GCNT1: variants seen among roughly 807,000 people sequenced by gnomAD.
The protein encoded by GCNT1 is beta-1,3-galactosyl-O-glycosyl-glycoprotein beta-1,6-N-acetylglucosaminyltransferase.
GCNT1 carries 16 observed loss-of-function variants against 26.2 expected under a neutral mutation model. That is an observed-to-expected ratio of 0.61 (90% CI 0.41 to 0.93). GCNT1 has a LOEUF of 0.93. GCNT1 is among the 40% of genes least tolerant of loss of function. The pLI, the probability that GCNT1 is intolerant of heterozygous loss-of-function variation, is 0.00. For synonymous variants in GCNT1, 183 were observed against 190.8 expected, an observed-to-expected ratio of 0.96 and a Z score of 0.34; for missense variants, 477 against 526.7, an observed-to-expected ratio of 0.91 and a Z score of 0.92.
chr9:76,409,423 GTTTTTA>G, the GCNT1 span, among the ~76,000 whole-genome samples: 1 of 152,008 alleles, frequency 6.6e-6, no homozygotes, highest in Non-Finnish European at 1.5e-5. Flanking sequence ...TTGATTTTCT[GTTTTTA>G]TTTTTATTGA....
chr9:76,416,812 G>A (rs934539355), upstream of GCNT1, among the ~76,000 whole-genome samples: 3 of 152,150 alleles, frequency 2.0e-5, no homozygotes, highest in South Asian at 2.1e-4. Flanking sequence ...TCATCCCAGC[G>A]CTTTGAGAGG....
chr9:76,479,578 T>C (rs1482551412), intron 2 of GCNT1, among the ~76,000 whole-genome samples: 1 of 152,260 alleles, frequency 6.6e-6, no homozygotes, highest in East Asian at 1.9e-4. Context: ...TGGTATCTCA[T>C]TGCAGTTTTG....
upstream of GCNT1, among the ~76,000 whole-genome samples, chr9:76,439,623 G>A (rs530276648): frequency 2.6e-5 from 4 of 152,280 alleles, no homozygotes; most frequent in African/African-American, 9.6e-5. Flanking sequence ...GGTAAAAGCT[G>A]TGTGCGTCTT....
intron 1 of GCNT1, among the ~76,000 whole-genome samples, chr9:76,433,824 G>A (rs1823369610): frequency 6.6e-6 from 1 of 152,164 alleles, no homozygotes; most frequent in African/African-American, 2.4e-5. Flanking sequence ...AGACAATAGG[G>A]GATTCTGACC....
chr9:76,482,673 C>G (rs1322466030), intron 2 of GCNT1, among the ~76,000 whole-genome samples: 1 of 151,956 alleles, frequency 6.6e-6, no homozygotes, highest in Non-Finnish European at 1.5e-5. Flanking sequence ...GAGACAGGGT[C>G]TTGCTCTCTT....
chr9:76,428,940 T>A (rs1823296870), intron 1 of GCNT1, among the ~76,000 whole-genome samples: 1 of 152,188 alleles, frequency 6.6e-6, no homozygotes, highest in Admixed American at 6.5e-5. Flanking sequence ...CCTCAGGTGA[T>A]CTGTCTGCCT....
the GCNT1 span, among the ~76,000 whole-genome samples, chr9:76,410,160 G>A: frequency 3.3e-5 from 5 of 152,184 alleles, no homozygotes; most frequent in South Asian, 8.3e-4. Flanking sequence ...GGCTGGGCAC[G>A]GTGGCTCATG....
In GCNT1 at chr9:76,424,384, A is replaced by G. The variant is rs543356620; in HGVS notation, n.38+4497A>G. Among the ~76,000 whole-genome samples the G allele has an allele frequency of 6.8e-4, 103 of 152,288 alleles. 1 individual carries two copies. The highest frequency in any genetic ancestry group is 1.3e-3 in the Non-Finnish European group (87 of 68,030). ...GCTTCCACTACTGACACAGCTTAAC[A>G]TTGTGCCAACAGGCAAAGGAACAAT... On this transcript the variant is annotated intron_variant and non_coding_transcript_variant, in intron 1 of 3. Transcript: ENST00000488136.
At chr9:76,459,602 G>C (rs1823827993) in intron 1 of GCNT1, among the ~76,000 whole-genome samples, 1 of 152,318 alleles carries the variant, frequency 6.6e-6, no homozygotes, top group Non-Finnish European at 1.5e-5. Context: ...AGATGTCGGA[G>C]GGGTTGGCTG....
the GCNT1 span, among the ~76,000 whole-genome samples, chr9:76,397,224 A>G: frequency 6.6e-6 from 1 of 152,048 alleles, no homozygotes; most frequent in Non-Finnish European, 1.5e-5. Context: ...GGAGGTTGCT[A>G]TGAGCCGAGA....
chr9:76,499,741 T>C (rs1825010956), intron 2 of GCNT1, among the ~76,000 whole-genome samples: 1 of 152,236 alleles, frequency 6.6e-6, no homozygotes, highest in Non-Finnish European at 1.5e-5. Flanking sequence ...AGTTTCCATT[T>C]ACCCCCTCAC....
chr9:76,431,306 A>G (rs1823333015), intron 1 of GCNT1, among the ~76,000 whole-genome samples: 1 of 152,178 alleles, frequency 6.6e-6, no homozygotes, highest in Admixed American at 6.5e-5. Context: ...GCCAGCCCTT[A>G]GCAGGGACCC....
In GCNT1 at chr9:76,503,189, G is replaced by A. The variant is rs1825133322; in HGVS notation, c.808G>A (p.Gly270Arg). ...EVVNGKLTNTGTVKMLPPLET... is the reference protein window; with the variant it reads ...EVVNGKLTNTRTVKMLPPLET... ...CGTTAATGGAAAGCTGACAAACACA[G>A]GGACTGTCAAAATGCTTCCTCCACT... Residue 270 changes from glycine (G) to arginine (R), a missense_variant, in exon 4 of 4, where the codon GGG becomes AGG. Transcript: ENST00000376730. The A allele has an allele frequency of 6.2e-7, 1 of 1,614,174 alleles. No homozygotes were observed. The highest frequency in any genetic ancestry group is 1.7e-5 in the Admixed American group (1 of 60,028).
At chr9:76,463,062 C>T (rs1046918897) in intron 2 of GCNT1, among the ~76,000 whole-genome samples, 3 of 152,156 alleles carry the variant, frequency 2.0e-5, no homozygotes, top group Admixed American at 1.3e-4. Flanking sequence ...GGGAGCGCTA[C>T]ATAATGTATG....
chr9:76,423,900 C>A (rs2131572578), intron 1 of GCNT1, among the ~76,000 whole-genome samples: 1 of 152,290 alleles, frequency 6.6e-6, no homozygotes, highest in African/African-American at 2.4e-5. Context: ...AGATCAAAGG[C>A]TTGCTTTTCC....
chr9:76,437,840 T>C (rs1472801273), upstream of GCNT1, among the ~76,000 whole-genome samples: 1 of 152,220 alleles, frequency 6.6e-6, no homozygotes. Flanking sequence ...TTGATTAGGA[T>C]TGGACAAGTA....
At position 76,427,675 on chromosome 9, in the gene GCNT1, T is replaced by G. The variant is rs1823275569; in HGVS notation, n.38+7788T>G. Among the ~76,000 whole-genome samples, 7 of 152,346 alleles carry G rather than the reference T, an allele frequency of 4.6e-5. No individual in the cohort carries two copies. The South Asian group carries it at 1.4e-3, about 32-fold the overall frequency. On this transcript the variant is annotated intron_variant and non_coding_transcript_variant, in intron 1 of 3. Transcript: ENST00000488136. ...TTTATACATGTGAAAAATTAAAAAT[T>G]TCCTGATAATAAAAATTAAAAGGAT...
upstream of GCNT1, among the ~76,000 whole-genome samples, chr9:76,458,320 C>G (rs111404628): frequency 0.11 from 17,374 of 151,090 alleles, 1,102 homozygotes; most frequent in Middle Eastern, 0.23. Flanking sequence ...GTAGCTGGGA[C>G]TACAGGCGCC....
intron 2 of GCNT1, among the ~76,000 whole-genome samples, chr9:76,475,555 A>G (rs1824235600): frequency 6.6e-6 from 1 of 152,222 alleles, no homozygotes; most frequent in Non-Finnish European, 1.5e-5. Flanking sequence ...TTTTGAGTTC[A>G]TGCTAATTGA....
Sources: allele counts gnomAD v4.1 joint callset (sites outside exome capture counted in the v4.1 genomes callset), GRCh38; gene constraint gnomAD v4.1.1; transcripts MANE v1.5; gene names NCBI Gene and HGNC (gene_info 2026-07-23, HGNC 2026-07-21).